Variants in SOX6 observed in about 807,000 individuals in gnomAD.
SOX6 encodes the protein transcription factor SOX-6.
SOX6 carries 11 observed loss-of-function variants against 97.8 expected under a neutral mutation model. That is an observed-to-expected ratio of 0.11 (90% CI 0.07 to 0.19). The LOEUF is 0.19. Ranked by LOEUF, SOX6 falls within the 10% of genes least tolerant of loss-of-function variation. The pLI, the probability that SOX6 is intolerant of heterozygous loss-of-function variation, is 1.00. For missense variants in SOX6, 810 were observed against 1,039.5 expected, an observed-to-expected ratio of 0.78 and a Z score of 3.04; for synonymous variants, 360 against 371.4, an observed-to-expected ratio of 0.97 and a Z score of 0.35.
chr11:16,562,341 T>A (rs909442850), intron 4 of SOX6, among the ~76,000 whole-genome samples: 1 of 152,082 alleles, frequency 6.6e-6, no homozygotes, highest in African/African-American at 2.4e-5. Context: ...TCTTTTCGCG[T>A]TGTGTATACC....
At chr11:16,266,605 A>G (rs970443606) in intron 3 of SOX6, among the ~76,000 whole-genome samples, 3 of 151,626 alleles carry the variant, frequency 2.0e-5, no homozygotes, top group Non-Finnish European at 4.4e-5. Flanking sequence ...TTTAAGATTT[A>G]TAAGATAAGT....
At chr11:16,582,534 T>C (rs1017878248) in intron 4 of SOX6, among the ~76,000 whole-genome samples, 1 of 152,042 alleles carries the variant, frequency 6.6e-6, no homozygotes, top group Non-Finnish European at 1.5e-5. Flanking sequence ...TATGAATAAA[T>C]GCAAGCTAAA....
chr11:16,689,405 G>A (rs748515553), intron 3 of SOX6, among the ~76,000 whole-genome samples: 8 of 152,218 alleles, frequency 5.3e-5, no homozygotes, highest in Non-Finnish European at 7.3e-5. Flanking sequence ...TGGAACAACT[G>A]TAGGGCTCAT....
Position 16,116,949 on chromosome 11 carries a change from C to T in SOX6, c.778-5026G>A, listed in dbSNP as rs145700673. Among the ~76,000 whole-genome samples the T allele has an allele frequency of 3.4e-3, 517 of 152,280 alleles. 1 individual carries two copies. Among genetic ancestry groups the T allele is most frequent in the Admixed American group, 7.1e-3 (109 of 15,300 alleles). On this transcript the variant is annotated intron_variant, in intron 6 of 15. Coordinates refer to ENST00000683767, the MANE Select transcript of SOX6 (RefSeq NM_001367873.1). ...AAGTTTCATCCTGAAACCATCCCCC[C>T]TCCCCTACCCAGTCCATGCAAAAAC...
chr11:16,075,474 C>T (rs1267139083), intron 9 of SOX6, among the ~76,000 whole-genome samples: 1 of 152,096 alleles, frequency 6.6e-6, no homozygotes, highest in Admixed American at 6.6e-5. Flanking sequence ...TACTATGTAG[C>T]CATAAAAAAG....
chr11:16,116,152 G>T (rs763482387), intron 6 of SOX6, among the ~76,000 whole-genome samples: 2 of 152,248 alleles, frequency 1.3e-5, no homozygotes, highest in Non-Finnish European at 2.9e-5. Context: ...GTGATTAAAA[G>T]TTCTTCTTAT....
chr11:16,688,417 T>C (rs760521569), intron 3 of SOX6, among the ~76,000 whole-genome samples: 8 of 152,254 alleles, frequency 5.3e-5, no homozygotes, highest in African/African-American at 1.4e-4. Flanking sequence ...GCTAGGCTAA[T>C]TGAATTAGTC....
At chr11:16,209,094 A>C (rs756235684) in intron 4 of SOX6, among the ~76,000 whole-genome samples, 1 of 152,230 alleles carries the variant, frequency 6.6e-6, no homozygotes, top group Non-Finnish European at 1.5e-5. Context: ...TTAAGCCTGA[A>C]ATACAAAAAA....
chr11:16,181,741 A>G (rs778896139), intron 6 of SOX6, among the ~76,000 whole-genome samples: 1 of 151,772 alleles, frequency 6.6e-6, no homozygotes, highest in Non-Finnish European at 1.5e-5. Context: ...AGCTCAGGAC[A>G]GAATGAACTA....
intron 1 of SOX6, among the ~76,000 whole-genome samples, chr11:16,462,626 A>C (rs1859952365): frequency 2.0e-5 from 3 of 152,236 alleles, no homozygotes. Flanking sequence ...ATTTATTAAT[A>C]ACAATGAAAA....
intron 3 of SOX6, among the ~76,000 whole-genome samples, chr11:16,654,030 T>C (rs1399223604): frequency 6.6e-6 from 1 of 152,166 alleles, no homozygotes; most frequent in Non-Finnish European, 1.5e-5. Flanking sequence ...CCATTTTCTT[T>C]TGTATTTCAC....
At chr11:16,367,536 G>A (rs1348097355) in intron 1 of SOX6, among the ~76,000 whole-genome samples, 9 of 152,142 alleles carry the variant, frequency 5.9e-5, no homozygotes, top group South Asian at 2.1e-4. Flanking sequence ...ATAGTACTGC[G>A]TATCCACAGT....
chr11:16,081,733 T>C (rs1848476467), intron 9 of SOX6, among the ~76,000 whole-genome samples: 2 of 152,158 alleles, frequency 1.3e-5, no homozygotes, highest in Admixed American at 6.5e-5. Flanking sequence ...AAGACAAAAG[T>C]GTCTATTTTA....
chr11:16,482,776 T>C (rs1363268840), intron 4 of SOX6, among the ~76,000 whole-genome samples: 2 of 152,124 alleles, frequency 1.3e-5, no homozygotes, highest in Non-Finnish European at 2.9e-5. Context: ...TATACATACT[T>C]CACATTTCAG....
chr11:16,015,095 GC>G, intron 12 of SOX6, 45 bp from the exon 13 acceptor site: 1 of 1,537,516 alleles, frequency 6.5e-7, no homozygotes, highest in East Asian at 2.3e-5. Flanking sequence ...TTCCAAAACA[GC>G]CACCATTTCC....
chr11:16,687,975 T>C (rs1418998305), intron 3 of SOX6, among the ~76,000 whole-genome samples: 1 of 152,138 alleles, frequency 6.6e-6, no homozygotes, highest in Non-Finnish European at 1.5e-5. Context: ...TATCACTGGC[T>C]TTAATAATTT....
intron 1 of SOX6, among the ~76,000 whole-genome samples, chr11:16,343,499 C>T (rs576662407): frequency 1.2e-4 from 18 of 151,820 alleles, no homozygotes; most frequent in Non-Finnish European, 2.4e-4. Context: ...ATAAACTGCA[C>T]CAGTGAACAA....
chr11:16,434,193 A>G (rs1859327680), intron 1 of SOX6: 1 of 152,096 alleles, frequency 6.6e-6, no homozygotes, highest in Non-Finnish European at 1.5e-5. Flanking sequence ...GACTGACTCC[A>G]AAGTACACAC....
intron 3 of SOX6, chr11:16,316,105 T>A (rs1056367295): frequency 2.4e-5 from 1 of 42,264 alleles, no homozygotes; most frequent in African/African-American, 5.7e-5. Flanking sequence ...TTAAAACTCA[T>A]AGGTTTTTTT....
Sources: gnomAD v4.1 joint callset for allele counts (sites outside exome capture counted in the v4.1 genomes callset) on GRCh38, gnomAD v4.1.1 for gene constraint, MANE v1.5 for transcripts, NCBI Gene and HGNC (gene_info 2026-07-23, HGNC 2026-07-21) for gene names.